Variants in COL24A1 observed in about 807,000 individuals in gnomAD.
COL24A1 encodes the protein collagen type XXIV alpha 1 chain, also known as collagen alpha-1(XXIV) chain.
Under a neutral mutation model 253.9 loss-of-function variants are expected in COL24A1, and 224 were observed. The ratio of observed to expected loss-of-function variants is 0.88; its 90% CI spans 0.79 to 0.99. The LOEUF (loss-of-function observed/expected upper bound fraction) is 0.99, where lower values mean the gene tolerates loss of function less well. Among genes scored for constraint, COL24A1 ranks in the 50% least tolerant of loss-of-function variants. The pLI, the probability that COL24A1 is intolerant of heterozygous loss-of-function variation, is 0.00. For synonymous variants in COL24A1, 685 were observed against 673.7 expected, an observed-to-expected ratio of 1.02 and a Z score of -0.26; for missense variants, 2,131 against 2,068.5, an observed-to-expected ratio of 1.03 and a Z score of -0.59.
At chr1:85,967,454 T>C (rs1233514433) in intron 22 of COL24A1, among the ~76,000 whole-genome samples, 2 of 152,122 alleles carry the variant, frequency 1.3e-5, no homozygotes, top group African/African-American at 4.8e-5. Flanking sequence ...TGCACTGACA[T>C]TCCTATTGGG....
At chr1:85,943,660 C>T (rs1157567997) in intron 24 of COL24A1, among the ~76,000 whole-genome samples, 2 of 152,114 alleles carry the variant, frequency 1.3e-5, no homozygotes, top group Non-Finnish European at 2.9e-5. Context: ...ATGAGGCTTT[C>T]GAATAGACAA....
chr1:85,939,188 T>C (rs936853307), intron 24 of COL24A1, among the ~76,000 whole-genome samples: 1 of 152,144 alleles, frequency 6.6e-6, no homozygotes, highest in African/African-American at 2.4e-5. Context: ...TAAATGATCC[T>C]CATTCTTGAG....
At chr1:85,926,442 G>T (rs1571250895) in intron 24 of COL24A1, among the ~76,000 whole-genome samples, 1 of 152,172 alleles carries the variant, frequency 6.6e-6, no homozygotes. Context: ...TGACAGACTG[G>T]ATTAAGAATA....
chr1:86,020,704 T>A (rs1301516390), intron 18 of COL24A1, among the ~76,000 whole-genome samples: 2 of 152,150 alleles, frequency 1.3e-5, no homozygotes, highest in Non-Finnish European at 1.5e-5. Context: ...GCTAGAAAAA[T>A]GTCACATTAT....
intron 24 of COL24A1, among the ~76,000 whole-genome samples, chr1:85,922,257 C>G (rs1052344768): frequency 1.3e-5 from 2 of 152,138 alleles, no homozygotes; most frequent in African/African-American, 4.8e-5. Context: ...GGGTATTATC[C>G]ATGAGAACTT....
intron 10 of COL24A1, among the ~76,000 whole-genome samples, chr1:86,052,272 A>C (rs1559129168): frequency 6.6e-6 from 1 of 152,122 alleles, no homozygotes; most frequent in Admixed American, 6.5e-5. Flanking sequence ...TAAAAAAGTA[A>C]TTGTTATTTC....
chr1:85,923,702 C>T (rs925714641), intron 24 of COL24A1, among the ~76,000 whole-genome samples: 2 of 152,058 alleles, frequency 1.3e-5, no homozygotes, highest in Non-Finnish European at 2.9e-5. Flanking sequence ...GCACTAAATG[C>T]CCACAAGAGA....
intron 57 of COL24A1, among the ~76,000 whole-genome samples, chr1:85,743,599 T>A (rs1007733234): frequency 6.6e-6 from 1 of 152,200 alleles, no homozygotes; most frequent in Non-Finnish European, 1.5e-5. Flanking sequence ...CATTTAGCTA[T>A]TTCTCTTATA....
intron 19 of COL24A1, among the ~76,000 whole-genome samples, chr1:85,999,490 G>T (rs193160635): frequency 1.3e-3 from 195 of 152,146 alleles, no homozygotes; most frequent in African/African-American, 4.5e-3. Context: ...GAGTGTGGTA[G>T]TGCATGCCTG....
At chr1:85,881,423 C>T (rs180788364) in intron 32 of COL24A1, among the ~76,000 whole-genome samples, 1 of 151,802 alleles carries the variant, frequency 6.6e-6, no homozygotes, top group Admixed American at 6.6e-5. Context: ...TTGAGACCAG[C>T]CTGACCAACC....
chr1:85,914,550 C>G (rs1242542762), intron 24 of COL24A1, among the ~76,000 whole-genome samples: 1 of 151,926 alleles, frequency 6.6e-6, no homozygotes, highest in African/African-American at 2.4e-5. Flanking sequence ...ACCACCATGC[C>G]TGATTAAATT....
intron 20 of COL24A1, among the ~76,000 whole-genome samples, chr1:85,985,799 T>A (rs1003385136): frequency 6.6e-6 from 1 of 151,772 alleles, no homozygotes; most frequent in African/African-American, 2.4e-5. Context: ...AAGAGGTGAA[T>A]GAATGCTTCT....
At chr1:86,007,647 A>G (rs1696097789) in intron 19 of COL24A1, among the ~76,000 whole-genome samples, 1 of 152,224 alleles carries the variant, frequency 6.6e-6, no homozygotes, top group Admixed American at 6.5e-5. Context: ...TGAGCTATGA[A>G]GCCATGAAAA....
At chr1:85,799,243 G>GAAAGAAAGAAAGAAAGAAAGAAAGA (rs1553180021) in intron 47 of COL24A1, among the ~76,000 whole-genome samples, 2 of 137,232 alleles carry the variant, frequency 1.5e-5, no homozygotes, top group East Asian at 2.0e-4. Flanking sequence ...AAGAAAGAAA[G>GAAAGAAAGAAAGAAAGAAAGAAAGA]AAAGAAAAGA....
In COL24A1 at chr1:86,092,941, T is replaced by C. The variant is rs192898554; in HGVS notation, c.1600-621A>G. On this transcript the variant is annotated intron_variant, in intron 5 of 59. Coordinates refer to ENST00000370571, the MANE Select transcript of COL24A1 (RefSeq NM_152890.7). ...TCAGCTAAAGTTTTTGGGTACAATA[T>C]CAAAATATTTTTATGATGCATAGTA... Among the ~76,000 whole-genome samples the C allele has an allele frequency of 8.9e-4, 136 of 152,146 alleles. 1 individual carries two copies. The highest frequency in any genetic ancestry group is 3.2e-3 in the African/African-American group (131 of 41,562).
chr1:86,092,830 C>A (rs1388625378), intron 5 of COL24A1, among the ~76,000 whole-genome samples: 2 of 151,814 alleles, frequency 1.3e-5, no homozygotes, highest in Non-Finnish European at 2.9e-5. Flanking sequence ...CCACAAAATT[C>A]TTTTTATTCT....
Position 85,761,568 on chromosome 1 carries a change from T to G in COL24A1, c.4375-2A>C. 1.2e-6 allele frequency: 2 copies of G among 1,614,020 alleles called. No individual in the cohort carries two copies. The highest frequency in any genetic ancestry group is 1.7e-6 in the Non-Finnish European group (2 of 1,179,896). ...TTGACCTCTTGGTCCTTGAGGACCC[T>G]GGAAGAAATGGAGACAAACACAAGA... On this transcript the variant is annotated splice_acceptor_variant, in intron 53 of 59. Coordinates refer to ENST00000370571, the MANE Select transcript of COL24A1 (RefSeq NM_152890.7). LOFTEE classifies it high-confidence loss of function.
At chr1:85,732,114 A>G (rs1239985458) in intron 59 of COL24A1, among the ~76,000 whole-genome samples, 2 of 152,236 alleles carry the variant, frequency 1.3e-5, no homozygotes, top group African/African-American at 4.8e-5. Flanking sequence ...AATGGGAATA[A>G]TAAACACCTA....
In COL24A1 at chr1:86,065,754, T is replaced by TC. The variant is rs1393716683; in HGVS notation, c.1708-1996dup. Among the ~76,000 whole-genome samples, 7 of 107,826 alleles carry TC rather than the reference T, an allele frequency of 6.5e-5. No individual in the cohort carries two copies. The East Asian group carries it at 2.5e-3, about 39-fold the overall frequency. The allele number at this position is 107,826 out of a possible 152,430, so 70.7% of individuals were successfully genotyped here. ...GTCCAGTCTGAGCAATATAGCAACCTCTAAAAAAAAAAAAAAAAAAGAGAG... is the reference window on the plus strand; with the variant it reads ...GTCCAGTCTGAGCAATATAGCAACCTCCTAAAAAAAAAAAAAAAAAAGAGAG... On this transcript the variant is annotated intron_variant, in intron 7 of 59. Coordinates refer to ENST00000370571, the MANE Select transcript of COL24A1 (RefSeq NM_152890.7).
Sources: allele counts gnomAD v4.1 joint callset (sites outside exome capture counted in the v4.1 genomes callset), GRCh38; gene constraint gnomAD v4.1.1; transcripts MANE v1.5; gene names NCBI Gene and HGNC (gene_info 2026-07-23, HGNC 2026-07-21).